The following BRAF variants were observed in gnomAD, a reference collection of about 807,000 sequenced individuals.
BRAF encodes serine/threonine-protein kinase B-raf.
In BRAF, 16 loss-of-function variants were observed where a neutral mutation model predicts 104.6. That is an observed-to-expected ratio of 0.15 (90% confidence interval 0.10 to 0.23). The LOEUF is 0.23. Among genes scored for constraint, BRAF ranks in the 10% least tolerant of loss-of-function variants. The pLI, the probability that BRAF is intolerant of heterozygous loss-of-function variation, is 1.00. For missense variants in BRAF, 541 were observed against 937.3 expected, an observed-to-expected ratio of 0.58 and a Z score of 5.52; for synonymous variants, 310 against 341.6, an observed-to-expected ratio of 0.91 and a Z score of 1.02.
chr7:140,728,735 T>C (rs1256355842), intron 19 of BRAF, among the ~76,000 whole-genome samples: 2 of 152,172 alleles, frequency 1.3e-5, no homozygotes, highest in Non-Finnish European at 2.9e-5. Context: ...TTCTTTAAAA[T>C]GACTTGCAAC....
chr7:140,837,436 T>C (rs1224285203), intron 2 of BRAF, among the ~76,000 whole-genome samples: 1 of 152,236 alleles, frequency 6.6e-6, no homozygotes, highest in African/African-American at 2.4e-5. Context: ...TTGGCCATTG[T>C]TGTCTTCCTT....
chr7:140,872,575 C>A (rs1170505021), intron 1 of BRAF, among the ~76,000 whole-genome samples: 4 of 152,262 alleles, frequency 2.6e-5, no homozygotes, highest in South Asian at 2.1e-4. Flanking sequence ...AGAATAAGAG[C>A]TGGGCATGGT....
At chr7:140,790,439 T>C (rs1439140436) in intron 8 of BRAF, among the ~76,000 whole-genome samples, 1 of 152,206 alleles carries the variant, frequency 6.6e-6, no homozygotes, top group African/African-American at 2.4e-5. Flanking sequence ...ATCCCTTCCC[T>C]TCATCATAAT....
At chr7:140,886,787 A>T (rs1813615161) in intron 1 of BRAF, among the ~76,000 whole-genome samples, 2 of 152,128 alleles carry the variant, frequency 1.3e-5, no homozygotes, top group Non-Finnish European at 2.9e-5. Flanking sequence ...TGTATTTTTT[A>T]AATAATTTGT....
intron 1 of BRAF, among the ~76,000 whole-genome samples, chr7:140,857,107 A>T (rs1809870047): frequency 6.6e-6 from 1 of 152,154 alleles, no homozygotes; most frequent in African/African-American, 2.4e-5. Flanking sequence ...AAACAGGGAG[A>T]TTATTCTGGA....
chr7:140,775,789 T>C (rs1295459679), intron 14 of BRAF, among the ~76,000 whole-genome samples: 4 of 152,342 alleles, frequency 2.6e-5, no homozygotes, highest in South Asian at 4.1e-4. Flanking sequence ...TGGCCGAATA[T>C]AGGCTTGTAA....
intron 7 of BRAF, among the ~76,000 whole-genome samples, chr7:140,797,720 G>T (rs1325036373): frequency 6.6e-6 from 1 of 152,132 alleles, no homozygotes; most frequent in Non-Finnish European, 1.5e-5. Context: ...CTTCAGAGAG[G>T]CCAAGCTAAT....
At chr7:140,792,232 C>T (rs1182790993) in intron 8 of BRAF, among the ~76,000 whole-genome samples, 2 of 152,020 alleles carry the variant, frequency 1.3e-5, no homozygotes, top group African/African-American at 4.8e-5. Flanking sequence ...CTGTAAAAAC[C>T]ACATTATTGA....
intron 1 of BRAF, among the ~76,000 whole-genome samples, chr7:140,867,166 T>G (rs1197384315): frequency 6.6e-6 from 1 of 152,142 alleles, no homozygotes; most frequent in African/African-American, 2.4e-5. Flanking sequence ...GGACTATTAT[T>G]ACCCCTATTT....
In BRAF at chr7:140,724,744, GT is replaced by G; in HGVS notation, c.*1749del. 2.9e-6 allele frequency: 3 copies of G among 1,033,954 alleles called. No homozygotes were observed. Among genetic ancestry groups the G allele is most frequent in the Non-Finnish European group, 3.5e-6 (3 of 859,450 alleles). 64.0% of individuals were successfully genotyped at this position (1,033,954 alleles called of 1,614,324 possible). A position where few individuals can be genotyped will look rare whatever the true frequency, so the allele number is the denominator to read the frequency against. ...TTTCTAATTCCTTGATTTATTCTGG[GT>G]CTTGTTTAATTTCTTTCAAGTCCTT... On this transcript the variant is annotated 3_prime_UTR_variant, in exon 20 of 20. Coordinates refer to ENST00000644969, the MANE Select transcript of BRAF (RefSeq NM_001374258.1).
At chr7:140,802,134 T>C (rs917506210) in intron 5 of BRAF, among the ~76,000 whole-genome samples, 14 of 152,086 alleles carry the variant, frequency 9.2e-5, no homozygotes, top group South Asian at 4.1e-4. Context: ...TAAAAGATAA[T>C]TGCAGTCATG....
chr7:140,816,829 AGAC>A (rs1215046094), intron 3 of BRAF, among the ~76,000 whole-genome samples: 1 of 152,170 alleles, frequency 6.6e-6, no homozygotes, highest in African/African-American at 2.4e-5. Flanking sequence ...ACTTTTCATC[AGAC>A]AACAGACCCA....
At chr7:140,872,593 G>A (rs1811739363) in intron 1 of BRAF, among the ~76,000 whole-genome samples, 1 of 152,186 alleles carries the variant, frequency 6.6e-6, no homozygotes, top group Admixed American at 6.5e-5. Flanking sequence ...GGTGGCTTAT[G>A]CCTGTAAGCC....
chr7:140,883,030 A>G (rs1479279012), intron 1 of BRAF, among the ~76,000 whole-genome samples: 2 of 151,356 alleles, frequency 1.3e-5, no homozygotes, highest in African/African-American at 4.8e-5. Flanking sequence ...AAATAAATAA[A>G]TAAATAAATA....
At chr7:140,813,379 T>C (rs887531723) in intron 3 of BRAF, among the ~76,000 whole-genome samples, 3 of 152,184 alleles carry the variant, frequency 2.0e-5, no homozygotes, top group Middle Eastern at 3.4e-3. Context: ...CAAAAAAAAA[T>C]TGATAACATA....
intron 1 of BRAF, among the ~76,000 whole-genome samples, chr7:140,862,168 G>T (rs1038931369): frequency 1.3e-5 from 2 of 152,142 alleles, no homozygotes; most frequent in African/African-American, 4.8e-5. Flanking sequence ...GAAAGAAAAA[G>T]ATCACAATGA....
chr7:140,742,916 A>G (rs1415268590), intron 17 of BRAF, among the ~76,000 whole-genome samples: 1 of 151,950 alleles, frequency 6.6e-6, no homozygotes, highest in Non-Finnish European at 1.5e-5. Context: ...GGCAAAGGAC[A>G]TGAACAGACA....
At position 140,812,007 on chromosome 7, in the gene BRAF, T is replaced by C. The variant is rs561180655; in HGVS notation, c.505-3012A>G. On this transcript the variant is annotated intron_variant, in intron 3 of 19. Coordinates refer to ENST00000644969, the MANE Select transcript of BRAF (RefSeq NM_001374258.1). ...AAAATTTCCTGACTGGTGACCGATC[T>C]TTAGTTTTAAACCACATCCAATGTA... Among the ~76,000 whole-genome samples the C allele has an allele frequency of 8.5e-5, 13 of 152,346 alleles. No individual in the cohort carries two copies. The South Asian group carries it at 2.5e-3, about 29-fold the overall frequency.
At chr7:140,879,649 T>C (rs903157050) in intron 1 of BRAF, among the ~76,000 whole-genome samples, 3 of 151,644 alleles carry the variant, frequency 2.0e-5, no homozygotes, top group Admixed American at 2.0e-4. Context: ...ATTTTTGTGT[T>C]GGTGGGTCTT....
Sources: allele counts gnomAD v4.1 joint callset (sites outside exome capture counted in the v4.1 genomes callset), GRCh38; gene constraint gnomAD v4.1.1; transcripts MANE v1.5; gene names NCBI Gene and HGNC (gene_info 2026-07-23, HGNC 2026-07-21).